SPICE1: variants seen among roughly 807,000 people sequenced by gnomAD.
SPICE1 encodes the protein spindle and centriole associated protein 1, also known as spindle and centriole-associated protein 1.
Under a neutral mutation model 102.7 loss-of-function variants are expected in SPICE1, and 75 were observed. The observed-to-expected ratio is 0.73, with a 90% CI of 0.61 to 0.88. SPICE1 has a LOEUF of 0.88. SPICE1 is among the 40% of genes least tolerant of loss of function. The pLI, the probability that SPICE1 is intolerant of heterozygous loss-of-function variation, is 0.00. For missense variants in SPICE1, 979 were observed against 1,020.1 expected (o/e 0.96, Z 0.55); for synonymous variants, 308 against 350.3 (o/e 0.88, Z 1.35).
At position 113,499,512 on chromosome 3, in the gene SPICE1, A is replaced by C. The variant is rs1388009702; in HGVS notation, c.218T>G (p.Leu73Trp). The C allele has an allele frequency of 6.2e-7, 1 of 1,613,228 alleles. No individual in the cohort carries two copies. The highest frequency in any genetic ancestry group is 8.5e-7 in the Non-Finnish European group (1 of 1,179,792). Reference protein sequence around the residue: ...LVHWELQEKALKRKWRKQKPE... With the variant: ...LVHWELQEKAWKRKWRKQKPE... ...TTTCTGCTTCCTCCATTTTCTCTTC[A>C]AAGCTTTTTCTTGGAGTTCCCAGTG... The change falls in exon 4 of 18, where the codon TTG becomes TGG. Residue 73 changes from leucine to tryptophan, a missense_variant. Physicochemically the swap from Leu to Trp is moderately conservative, Grantham distance 61. Coordinates refer to ENST00000295872, the MANE Select transcript of SPICE1 (RefSeq NM_144718.4).
intron 7 of SPICE1, among the ~76,000 whole-genome samples, chr3:113,475,074 A>T (rs1488286938): frequency 4.6e-5 from 7 of 152,228 alleles, no homozygotes; most frequent in Non-Finnish European, 8.8e-5. Flanking sequence ...AGAATCAAAT[A>T]GATGCAATAA....
At chr3:113,458,942 G>T (rs1232440682) in intron 12 of SPICE1, among the ~76,000 whole-genome samples, 1 of 152,220 alleles carries the variant, frequency 6.6e-6, no homozygotes, top group African/African-American at 2.4e-5. Flanking sequence ...TTGAGAACGG[G>T]CCATGATGAC....
At position 113,502,579 on chromosome 3, in the gene SPICE1, A is replaced by T. The variant is rs562318905; in HGVS notation, c.147+601T>A. On this transcript the variant is annotated intron_variant, in intron 3 of 17. Coordinates refer to ENST00000295872, the MANE Select transcript of SPICE1 (RefSeq NM_144718.4). ...ATTAGATAGTGACAATGGTTGCACAACTCTGAATATACCAAAAATCACCAA... is the reference window on the plus strand; with the variant it reads ...ATTAGATAGTGACAATGGTTGCACATCTCTGAATATACCAAAAATCACCAA... Among the ~76,000 whole-genome samples the T allele has an allele frequency of 8.6e-4, 130 of 151,790 alleles. 1 individual carries two copies. The Middle Eastern group carries it at 0.01, about 12-fold the overall frequency.
At chr3:113,471,201 T>G (rs185904628) in intron 7 of SPICE1, among the ~76,000 whole-genome samples, 1 of 152,236 alleles carries the variant, frequency 6.6e-6, no homozygotes, top group East Asian at 1.9e-4. Context: ...TATTACCTTA[T>G]ATGGCAAAAA....
At chr3:113,513,724 T>A (rs951009777) in intron 1 of SPICE1, among the ~76,000 whole-genome samples, 1 of 152,216 alleles carries the variant, frequency 6.6e-6, no homozygotes, top group Non-Finnish European at 1.5e-5. Flanking sequence ...CTCTTCTCCA[T>A]CTCTACTAAA....
rs1935795999 is a variant in SPICE1 at position 113,457,150 on chromosome 3, G to A, written c.1643C>T (p.Ser548Phe). ...AGAAGACTTACCGTCCTGAAGAGGA[G>A]AGAATTTTAAGTTGCTCTTCTGCCT... ...PPRQKSNLKF[S>F]PLQDVLRRTV... is the part of the protein sequence containing the mutation. The change falls in exon 13 of 18, where the codon TCT (serine) becomes TTT (phenylalanine). Residue 548 changes from serine to phenylalanine, a missense_variant. By Grantham distance (155) the Ser-to-Phe change is radical. Coordinates refer to ENST00000295872, the MANE Select transcript of SPICE1 (RefSeq NM_144718.4). The A allele has an allele frequency of 6.2e-7, 1 of 1,614,076 alleles. No homozygotes were observed. Among genetic ancestry groups the A allele is most frequent in the Non-Finnish European group, 8.5e-7 (1 of 1,180,034 alleles).
intron 13 of SPICE1, among the ~76,000 whole-genome samples, chr3:113,454,443 T>TCACTC (rs1178928403): frequency 2.0e-5 from 3 of 152,104 alleles, no homozygotes; most frequent in African/African-American, 7.2e-5. Flanking sequence ...GCGCGGTGGC[T>TCACTC]CACTCCTATA....
Position 113,479,876 on chromosome 3 carries a change from G to A in SPICE1, c.611+9069C>T, listed in dbSNP as rs546065962. 6.4e-4 allele frequency among the ~76,000 whole-genome samples: 97 copies of A among 152,150 alleles called. 1 individual carries two copies. The highest frequency in any genetic ancestry group is 1.2e-3 in the Admixed American group (18 of 15,254). Reference sequence around the variant, plus strand: ...AAAAGTAAACAAAAAAATGCACAACGAAGGAAATAAAGACAAAAGCAAAAA... The same window carrying A: ...AAAAGTAAACAAAAAAATGCACAACAAAGGAAATAAAGACAAAAGCAAAAA... On this transcript the variant is annotated intron_variant, in intron 7 of 17. Transcript: ENST00000295872.
chr3:113,497,597 T>G (rs1936919063), intron 4 of SPICE1, among the ~76,000 whole-genome samples: 1 of 151,144 alleles, frequency 6.6e-6, no homozygotes, highest in African/African-American at 2.4e-5. Flanking sequence ...AAAAAACACC[T>G]ACATGGGGCC....
At chr3:113,450,878 C>T (rs761548188) in intron 14 of SPICE1, among the ~76,000 whole-genome samples, 3 of 152,160 alleles carry the variant, frequency 2.0e-5, no homozygotes, top group Non-Finnish European at 2.9e-5. Context: ...GTATTCATAG[C>T]CCTTATTATA....
At chr3:113,448,012 AAAT>A in intron 16 of SPICE1, 23 bp downstream of exon 16, 2 of 1,502,636 alleles carry the variant, frequency 1.3e-6, no homozygotes, top group Non-Finnish European at 1.8e-6. Flanking sequence ...TTTTTTTTTT[AAAT>A]AAATATTCAC....
chr3:113,501,149 A>T (rs978542244), intron 3 of SPICE1, among the ~76,000 whole-genome samples: 7 of 152,188 alleles, frequency 4.6e-5, no homozygotes, highest in Non-Finnish European at 1.0e-4. Context: ...TTCCAAGATC[A>T]TTCAATGGGG....
At chr3:113,484,303 A>G (rs980601494) in intron 7 of SPICE1, among the ~76,000 whole-genome samples, 1 of 151,578 alleles carries the variant, frequency 6.6e-6, no homozygotes, top group African/African-American at 2.4e-5. Context: ...CTACCAGTCT[A>G]TTTTGTTGAT....
intron 6 of SPICE1, 106 bp downstream of exon 6, chr3:113,493,100 C>T: frequency 1.3e-6 from 1 of 775,550 alleles, no homozygotes; most frequent in Non-Finnish European, 2.0e-6. Flanking sequence ...GCAACCACAA[C>T]TAGCACTTGT....
chr3:113,470,772 C>G (rs1936175712), intron 7 of SPICE1, among the ~76,000 whole-genome samples: 1 of 152,216 alleles, frequency 6.6e-6, no homozygotes, highest in Non-Finnish European at 1.5e-5. Flanking sequence ...GGTAAAGACT[C>G]AAGTCACAGA....
chr3:113,453,281 G>A (rs1165962986), intron 14 of SPICE1, among the ~76,000 whole-genome samples, 185 bp downstream of exon 14: 1 of 151,856 alleles, frequency 6.6e-6, no homozygotes, highest in East Asian at 1.9e-4. Context: ...ATGCTGTCTT[G>A]TATTGTATGT....
intron 7 of SPICE1, among the ~76,000 whole-genome samples, chr3:113,474,941 A>C (rs1936300789): frequency 6.6e-6 from 1 of 152,210 alleles, no homozygotes; most frequent in Non-Finnish European, 1.5e-5. Context: ...TCAGAGCAGA[A>C]CCGAAGGAAA....
intron 17 of SPICE1, among the ~76,000 whole-genome samples, chr3:113,446,157 AC>A (rs1368906748): frequency 6.6e-6 from 1 of 152,200 alleles, no homozygotes; most frequent in African/African-American, 2.4e-5. Flanking sequence ...AACCAATGGC[AC>A]AGTCAGATAT....
chr3:113,513,914 G>A (rs1327283365), intron 1 of SPICE1, among the ~76,000 whole-genome samples: 1 of 152,172 alleles, frequency 6.6e-6, no homozygotes, highest in African/African-American at 2.4e-5. Context: ...GTTTCTAAGA[G>A]GACCGCAATT....
Sources: allele counts gnomAD v4.1 joint callset (sites outside exome capture counted in the v4.1 genomes callset), GRCh38; gene constraint gnomAD v4.1.1; transcripts MANE v1.5; gene names NCBI Gene and HGNC (gene_info 2026-07-23, HGNC 2026-07-21).